PCDHA1: variants seen among roughly 807,000 people sequenced by gnomAD.
PCDHA1 encodes the protein protocadherin alpha-1.
Under a neutral mutation model 61.3 loss-of-function variants are expected in PCDHA1, and 42 were observed. The ratio of observed to expected loss-of-function variants is 0.69; its 90% CI spans 0.54 to 0.89. The LOEUF (loss-of-function observed/expected upper bound fraction) is 0.89. Among genes scored for constraint, PCDHA1 ranks in the 40% least tolerant of loss-of-function variants. The pLI is 0.00. For missense variants in PCDHA1, 1,256 were observed against 1,235.3 expected, an observed-to-expected ratio of 1.02 and a Z score of -0.25; for synonymous variants, 610 against 553.8, an observed-to-expected ratio of 1.10 and a Z score of -1.43.
intron 1 of PCDHA1, chr5:140,869,974 T>G: frequency 6.2e-7 from 1 of 1,613,252 alleles, no homozygotes; most frequent in Non-Finnish European, 8.5e-7. Context: ...TGGAAGACAC[T>G]TATTTACACT....
chr5:140,927,953 C>T (rs782230690), intron 1 of PCDHA1: 48 of 1,614,090 alleles, frequency 3.0e-5, no homozygotes, highest in Non-Finnish European at 2.1e-5. Flanking sequence ...GAGGACGCTG[C>T]CCCTGGCACA....
intron 3 of PCDHA1, among the ~76,000 whole-genome samples, chr5:140,984,430 A>T (rs1236503699): frequency 6.6e-6 from 1 of 152,080 alleles, no homozygotes; most frequent in East Asian, 1.9e-4. Flanking sequence ...AGAGAAGGGG[A>T]TCTCCCTTGT....
intron 1 of PCDHA1, among the ~76,000 whole-genome samples, chr5:140,938,899 A>G (rs1175857132): frequency 1.3e-5 from 2 of 152,000 alleles, no homozygotes; most frequent in African/African-American, 2.4e-5. Context: ...ACAGATGCGC[A>G]CACACACACA....
In PCDHA1 at chr5:140,851,667, T is replaced by A. The variant is rs628871; in HGVS notation, c.2394+62983T>A. 6.8e-5 allele frequency: 62 copies of A among 912,304 alleles called. 4 individuals carry two copies. Among genetic ancestry groups the A allele is most frequent in the Non-Finnish European group, 7.9e-5 (59 of 749,702 alleles). 56.5% of individuals were successfully genotyped at this position (912,304 alleles called of 1,614,324 possible). A position where few individuals can be genotyped will look rare whatever the true frequency, so the allele number is the denominator to read the frequency against. ...TTCAAGAAGACATTCTCCTTTTAAT[T>A]GAAATTTTCTCCATTCAGTGATAAA... is the stretch of plus-strand genomic sequence containing the variant. On this transcript the variant is annotated intron_variant, in intron 1 of 3. Coordinates refer to ENST00000504120, the MANE Select transcript of PCDHA1 (RefSeq NM_018900.4).
intron 1 of PCDHA1, chr5:140,877,640 G>T: frequency 6.2e-7 from 1 of 1,613,622 alleles, no homozygotes. Flanking sequence ...GCGCTGCGTT[G>T]CTCAGCGCCG....
intron 1 of PCDHA1, chr5:140,828,505 A>C (rs2150156185): frequency 6.2e-7 from 1 of 1,614,210 alleles, no homozygotes; most frequent in South Asian, 1.1e-5. Context: ...TAGAGGAACA[A>C]AGAGTGCTGA....
At chr5:140,805,363 C>G (rs1763551929) in intron 1 of PCDHA1, 1 of 1,169,738 alleles carries the variant, frequency 8.5e-7, no homozygotes, top group African/African-American at 1.6e-5. Context: ...TAGTTTGGGT[C>G]CCCACATAGT....
intron 1 of PCDHA1, among the ~76,000 whole-genome samples, chr5:140,900,556 C>T (rs757442954): frequency 4.6e-5 from 7 of 152,168 alleles, no homozygotes; most frequent in Non-Finnish European, 5.9e-5. Flanking sequence ...GGATTACAGG[C>T]GTGAGCCACG....
At position 140,841,437 on chromosome 5, in the gene PCDHA1, C is replaced by G. The variant is rs2150315470; in HGVS notation, c.2394+52753C>G. The G allele has an allele frequency of 7.8e-4, 1,255 of 1,612,956 alleles. 28 individuals are homozygous for G. The East Asian group carries it at 0.027, about 34-fold the overall frequency. ...CTCCACTACTCCGTCCCCGAGGAGG[C>G]CAAACACGGCACCTTCGTGGGCCGG... On this transcript the variant is annotated intron_variant, in intron 1 of 3. Coordinates refer to ENST00000504120, the MANE Select transcript of PCDHA1 (RefSeq NM_018900.4).
At chr5:140,953,900 C>G (rs1040959969) in intron 1 of PCDHA1, among the ~76,000 whole-genome samples, 4 of 152,126 alleles carry the variant, frequency 2.6e-5, no homozygotes, top group Non-Finnish European at 5.9e-5. Context: ...GTATTAAGCC[C>G]AGCATCCATT....
chr5:140,932,351 A>C (rs1401387848), intron 1 of PCDHA1, among the ~76,000 whole-genome samples: 1 of 151,920 alleles, frequency 6.6e-6, no homozygotes, highest in Non-Finnish European at 1.5e-5. Flanking sequence ...TTACCATACA[A>C]CTGGCCTTAT....
chr5:140,823,210 C>T (rs2150123487), intron 1 of PCDHA1: 11 of 1,613,788 alleles, frequency 6.8e-6, no homozygotes, highest in South Asian at 3.3e-5. Flanking sequence ...GGTGTCTGCA[C>T]GGGACGCGGA....
intron 1 of PCDHA1, among the ~76,000 whole-genome samples, chr5:140,917,286 C>T (rs155803): frequency 0.32 from 46,630 of 146,510 alleles, 7,654 homozygotes; most frequent in East Asian, 0.52. Context: ...GACGCTTTTC[C>T]GTGTGCAGAT....
Position 140,808,974 on chromosome 5 carries a change from C to T in PCDHA1, c.2394+20290C>T, listed in dbSNP as rs781991192. ...GGCCACGTGGTGGCAAAGGTGCGCG[C>T]GGTGGATGCTGACTCGGGCTACAAC... On this transcript the variant is annotated intron_variant, in intron 1 of 3. Coordinates refer to ENST00000504120, the MANE Select transcript of PCDHA1 (RefSeq NM_018900.4). 49 of 1,613,504 alleles carry T rather than the reference C, an allele frequency of 3.0e-5. No homozygotes were observed. The Middle Eastern group carries it at 8.2e-4, about 27-fold the overall frequency.
At chr5:140,843,759 A>T in intron 1 of PCDHA1, 1 of 1,499,994 alleles carries the variant, frequency 6.7e-7, no homozygotes. Flanking sequence ...TATTTGTGGA[A>T]ATTGTAGTTA....
rs201991205 is a variant in PCDHA1 at position 140,982,521 on chromosome 5, G to C, written c.2500G>C (p.Gly834Arg). ...TGGCATTCTACGGGCTGGTCCAGGAGGGCCTGATCAGCAGTGGCCAACAGT... is the reference window on the plus strand; with the variant it reads ...TGGCATTCTACGGGCTGGTCCAGGACGGCCTGATCAGCAGTGGCCAACAGT... ...EAGILRAGPG[G>R]PDQQWPTVSS... Residue 834 changes from glycine to arginine, a missense_variant, in exon 3 of 4, where the codon GGG becomes CGG. Gly to Arg is a moderately radical substitution (Grantham distance 125). Coordinates refer to ENST00000504120, the MANE Select transcript of PCDHA1 (RefSeq NM_018900.4). The C allele has an allele frequency of 9.3e-6, 15 of 1,614,216 alleles. No individual in the cohort carries two copies. In the Admixed American group the frequency reaches 2.3e-4, roughly 25 times the overall value.
intron 3 of PCDHA1, among the ~76,000 whole-genome samples, chr5:141,007,967 G>A (rs1191510244): frequency 6.6e-6 from 1 of 152,176 alleles, no homozygotes; most frequent in Admixed American, 6.5e-5. Flanking sequence ...TTCTCTGGGT[G>A]TCTGTCATGT....
intron 1 of PCDHA1, chr5:140,802,027 T>C: frequency 6.2e-7 from 1 of 1,614,204 alleles, no homozygotes; most frequent in Non-Finnish European, 8.5e-7. Context: ...AATAAGGATA[T>C]CGCGTATTCT....
At chr5:140,945,641 C>T (rs1253716354) in intron 1 of PCDHA1, among the ~76,000 whole-genome samples, 3 of 151,972 alleles carry the variant, frequency 2.0e-5, no homozygotes, top group Non-Finnish European at 2.9e-5. Context: ...GACATGTAGA[C>T]CAATGGAGCA....
Sources: allele counts gnomAD v4.1 joint callset (sites outside exome capture counted in the v4.1 genomes callset), GRCh38; gene constraint gnomAD v4.1.1; transcripts MANE v1.5; gene names NCBI Gene and HGNC (gene_info 2026-07-23, HGNC 2026-07-21).